Variants in SIPA1L1 observed in about 807,000 individuals in gnomAD.
SIPA1L1 encodes signal-induced proliferation-associated 1-like protein 1.
A neutral mutation model predicts 162.7 loss-of-function variants in SIPA1L1; 26 were observed. That is an observed-to-expected ratio of 0.16 (90% CI 0.12 to 0.22). SIPA1L1 has a LOEUF of 0.22. SIPA1L1 is among the 10% of genes least tolerant of loss of function. The pLI, the probability that SIPA1L1 is intolerant of heterozygous loss-of-function variation, is 1.00. For missense variants in SIPA1L1, 1,874 were observed against 2,241.0 expected, an observed-to-expected ratio of 0.84 and a Z score of 3.31; for synonymous variants, 829 against 837.4, an observed-to-expected ratio of 0.99 and a Z score of 0.17.
chr14:71,353,216 C>T (rs1215385566), intron 2 of SIPA1L1, among the ~76,000 whole-genome samples: 4 of 152,218 alleles, frequency 2.6e-5, no homozygotes, highest in Non-Finnish European at 5.9e-5. Context: ...CACTTGCTGG[C>T]TTGCCTTTTC....
chr14:71,732,754 C>T (rs867547036), intron 20 of SIPA1L1, among the ~76,000 whole-genome samples: 3 of 152,234 alleles, frequency 2.0e-5, no homozygotes, highest in Admixed American at 6.5e-5. Context: ...AAATCACCTT[C>T]CTGTCTTAGC....
intron 2 of SIPA1L1, among the ~76,000 whole-genome samples, chr14:71,404,235 C>G (rs2041885723): frequency 6.6e-6 from 1 of 152,116 alleles, no homozygotes; most frequent in South Asian, 2.1e-4. Context: ...CAGGTAAAGG[C>G]AACTCACTTT....
chr14:71,589,893 G>A (rs1230003569), intron 5 of SIPA1L1, among the ~76,000 whole-genome samples: 1 of 151,226 alleles, frequency 6.6e-6, no homozygotes, highest in Non-Finnish European at 1.5e-5. Context: ...TTTGACAAAA[G>A]TCACAGAGCC....
chr14:71,353,975 A>G (rs1341963991), intron 2 of SIPA1L1, among the ~76,000 whole-genome samples: 2 of 152,068 alleles, frequency 1.3e-5, no homozygotes. Context: ...AGAATAGGAA[A>G]AGACACAATT....
chr14:71,343,473 A>T (rs980376086), intron 2 of SIPA1L1, among the ~76,000 whole-genome samples: 2 of 152,132 alleles, frequency 1.3e-5, no homozygotes, highest in African/African-American at 4.8e-5. Context: ...ATTTAAATGT[A>T]CCGTCTTTGA....
chr14:71,536,991 A>G (rs1388918309), intron 4 of SIPA1L1, among the ~76,000 whole-genome samples: 1 of 152,160 alleles, frequency 6.6e-6, no homozygotes, highest in East Asian at 1.9e-4. Flanking sequence ...GTCATATGCA[A>G]TAGTTCTGAA....
chr14:71,596,493 A>G (rs1301741769), intron 5 of SIPA1L1, among the ~76,000 whole-genome samples: 1 of 152,218 alleles, frequency 6.6e-6, no homozygotes, highest in Non-Finnish European at 1.5e-5. Context: ...TGTATTATCC[A>G]ATTTACTATT....
intron 4 of SIPA1L1, among the ~76,000 whole-genome samples, chr14:71,565,107 C>G (rs189971258): frequency 3.4e-4 from 51 of 152,190 alleles, no homozygotes; most frequent in African/African-American, 1.2e-3. Flanking sequence ...ATATTTTCTT[C>G]TTTTGGAGTT....
chr14:71,435,218 C>T (rs185767049), intron 2 of SIPA1L1, among the ~76,000 whole-genome samples: 1 of 152,032 alleles, frequency 6.6e-6, no homozygotes, highest in Non-Finnish European at 1.5e-5. Context: ...GGTACATGTG[C>T]ACAACATGCA....
intron 2 of SIPA1L1, among the ~76,000 whole-genome samples, chr14:71,457,587 A>G (rs2141767924): frequency 6.6e-6 from 1 of 150,632 alleles, no homozygotes; most frequent in Admixed American, 6.6e-5. Flanking sequence ...GTGAGTTACC[A>G]TGCCCAGCCG....
At chr14:71,531,006 A>G (rs17178387) in intron 4 of SIPA1L1, among the ~76,000 whole-genome samples, 31,492 of 152,182 alleles carry the variant, frequency 0.21, 3,500 homozygotes, top group Middle Eastern at 0.38. Flanking sequence ...TTGAATGGTC[A>G]ATGAGTTTGA....
intron 10 of SIPA1L1, among the ~76,000 whole-genome samples, chr14:71,670,343 A>G (rs1198332662): frequency 1.3e-5 from 2 of 152,214 alleles, no homozygotes. Flanking sequence ...AGAAGAAATG[A>G]CTGGAACAGG....
At chr14:71,609,656 G>C (rs1035368237) in intron 5 of SIPA1L1, among the ~76,000 whole-genome samples, 2 of 151,954 alleles carry the variant, frequency 1.3e-5, no homozygotes, top group Non-Finnish European at 1.5e-5. Flanking sequence ...TAGTGGAGAA[G>C]GGGTTTCACC....
At chr14:71,525,752 TA>T (rs1467197074) in intron 3 of SIPA1L1, among the ~76,000 whole-genome samples, 5 of 152,228 alleles carry the variant, frequency 3.3e-5, no homozygotes, top group Non-Finnish European at 5.9e-5. Flanking sequence ...AGTAAGCTTT[TA>T]AATTGTCGTT....
intron 2 of SIPA1L1, among the ~76,000 whole-genome samples, chr14:71,396,742 T>C (rs2041236663): frequency 6.6e-6 from 1 of 152,216 alleles, no homozygotes; most frequent in Non-Finnish European, 1.5e-5. Context: ...GTTTATCATA[T>C]GTTATATTAT....
chr14:71,677,486 C>T (rs2045328235), intron 12 of SIPA1L1, among the ~76,000 whole-genome samples: 1 of 152,206 alleles, frequency 6.6e-6, no homozygotes, highest in African/African-American at 2.4e-5. Flanking sequence ...AATTAGATCC[C>T]ATTTGTCTAT....
chr14:71,717,024 C>T (rs1455671085), intron 17 of SIPA1L1, among the ~76,000 whole-genome samples: 4 of 152,158 alleles, frequency 2.6e-5, no homozygotes, highest in African/African-American at 9.7e-5. Context: ...CTCAGCCTCC[C>T]GAGTAGCTGG....
At chr14:71,482,189 G>A (rs1189408647) in intron 2 of SIPA1L1, among the ~76,000 whole-genome samples, 1 of 152,170 alleles carries the variant, frequency 6.6e-6, no homozygotes, top group African/African-American at 2.4e-5. Context: ...ATGGGCAGGA[G>A]AGAAAGCAGG....
chr14:71,575,199 G>A (rs537266924), intron 4 of SIPA1L1: 4 of 152,280 alleles, frequency 2.6e-5, no homozygotes, highest in African/African-American at 7.2e-5. Flanking sequence ...CCACCCCTTT[G>A]CCTTTCTTTT....
Sources: allele counts gnomAD v4.1 joint callset (sites outside exome capture counted in the v4.1 genomes callset), GRCh38; gene constraint gnomAD v4.1.1; transcripts MANE v1.5; gene names NCBI Gene and HGNC (gene_info 2026-07-23, HGNC 2026-07-21).